Variants in IFRD2 observed in about 807,000 individuals in gnomAD.
IFRD2 encodes interferon related developmental regulator 2, also known as interferon-related developmental regulator 2.
A neutral mutation model predicts 49.2 loss-of-function variants in IFRD2; 35 were observed. The observed-to-expected ratio is 0.71, with a 90% confidence interval of 0.54 to 0.94. The LOEUF (loss-of-function observed/expected upper bound fraction) is 0.94. Ranked by LOEUF, IFRD2 falls within the 40% of genes least tolerant of loss-of-function variation. The probability of loss-of-function intolerance (pLI) is 0.00; values close to 1 mark genes in which losing one functional copy is unlikely to be tolerated. For missense variants in IFRD2, 561 were observed against 591.6 expected (o/e 0.95, Z 0.54); for synonymous variants, 275 against 239.7 (o/e 1.15, Z -1.36).
In IFRD2 at chr3:50,292,284, C is replaced by A. The variant is rs199593825; in HGVS notation, c.-10G>T. 9.2e-4 allele frequency: 1,427 copies of A among 1,553,672 alleles called. 8 individuals are homozygous for A. In the Middle Eastern group the frequency reaches 0.019, roughly 21 times the overall value. On this transcript the variant is annotated 5_prime_UTR_variant, in exon 1 of 12. Coordinates refer to ENST00000417626, the MANE Select transcript of IFRD2 (RefSeq NM_006764.5). ...TACGGGCGCGAGGCATGCCGGGAAC[C>A]GGGCGCGGGGGGCGCGGGGTCAGGG...
At chr3:50,289,680 T>G in intron 6 of IFRD2, 32 bp downstream of exon 6, 1 of 1,596,232 alleles carries the variant, frequency 6.3e-7, no homozygotes, top group East Asian at 2.3e-5. Flanking sequence ...CAGCCCTAGA[T>G]GCTCTACCAC....
At position 50,289,185 on chromosome 3, in the gene IFRD2, G is replaced by A. The variant is rs587773198; in HGVS notation, c.885+70C>T. 6 of 1,364,068 alleles carry A rather than the reference G, an allele frequency of 4.4e-6. No individual in the cohort carries two copies. The East Asian group carries it at 1.0e-4, about 23-fold the overall frequency. 84.5% of individuals were successfully genotyped at this position (1,364,068 alleles called of 1,614,324 possible). Reference sequence around the variant, plus strand: ...ACCTAAAGCTGTTCTGTTTTGTGTGGCACCCCCTGCATCCAGCCTGTGATG... The same window carrying A: ...ACCTAAAGCTGTTCTGTTTTGTGTGACACCCCCTGCATCCAGCCTGTGATG... On this transcript the variant is annotated intron_variant, in intron 8 of 11. Transcript: ENST00000417626.
chr3:50,290,779 C>A (rs1213246729), intron 1 of IFRD2, 100 bp from the exon 2 acceptor site: 2 of 1,475,646 alleles, frequency 1.4e-6, no homozygotes, highest in African/African-American at 2.8e-5. Context: ...AGAATGGTGT[C>A]CCTCTCAGAG....
chr3:50,288,890 G>A lies in IFRD2; in HGVS notation c.933C>T (p.Arg311=). 5.0e-6 allele frequency: 8 copies of A among 1,613,440 alleles called. No homozygotes were observed. Among genetic ancestry groups the A allele is most frequent in the Middle Eastern group, 1.7e-4 (1 of 6,060 alleles). ...ACTTGTTACTGTCAGTGGCCAGAGT[G>A]CGCAGGACACTGCAGAGGGCCTCCA... is the stretch of plus-strand genomic sequence containing the variant. ...EDMEALCSVL[R]TLATDSNKYR... is the part of the protein sequence containing the mutation. The change falls in exon 9 of 12, where the codon CGC becomes CGT. Residue 311 remains arginine (R), a synonymous_variant. Transcript: ENST00000417626.
In IFRD2 at chr3:50,288,093, T is replaced by TAA; in HGVS notation, c.*96_*97dup. ...TTTTTGGTTTTGTCATTAAAAAAAA[T>TAA]AAAGTGACAAATACTGGTGGAGACC... On this transcript the variant is annotated 3_prime_UTR_variant, in exon 12 of 12. Coordinates refer to ENST00000417626, the MANE Select transcript of IFRD2 (RefSeq NM_006764.5). The TAA allele has an allele frequency of 3.5e-6, 4 of 1,141,352 alleles. No individual in the cohort carries two copies. The Admixed American group carries it at 8.4e-5, about 24-fold the overall frequency. 70.7% of individuals were successfully genotyped at this position (1,141,352 alleles called of 1,614,324 possible). A position where few individuals can be genotyped will look rare whatever the true frequency, so the allele number is the denominator to read the frequency against.
chr3:50,291,007 C>CCTTTT (rs1491472231), intron 1 of IFRD2, among the ~76,000 whole-genome samples: 1 of 94,402 alleles, frequency 1.1e-5, no homozygotes, highest in East Asian at 2.3e-4. Flanking sequence ...TCCCCGCCAC[C>CCTTTT]TTTTTTTTTT....
intron 3 of IFRD2, 27 bp from the exon 4 acceptor site, chr3:50,290,321 T>C (rs782670972): frequency 2.1e-5 from 34 of 1,606,726 alleles, no homozygotes; most frequent in South Asian, 3.3e-5. Flanking sequence ...AGGGGGGTCA[T>C]ATGGGCCAGC....
Position 50,290,435 on chromosome 3 carries a change from G to A in IFRD2, c.216C>T (p.Asp72=), listed in dbSNP as rs782292725. 5 of 1,578,476 alleles carry A rather than the reference G, an allele frequency of 3.2e-6. No homozygotes were observed. The highest frequency in any genetic ancestry group is 1.2e-5 in the South Asian group (1 of 86,630). The change falls in exon 3 of 12, where the codon GAC becomes GAT. Residue 72 remains aspartate, a synonymous_variant. Transcript: ENST00000417626. The part of the protein sequence containing the change: ...DVVDEQGQQE[D]LEEKLKEYVD... ...CATACTCCTTCAGCTTTTCCTCAAG[G>A]TCTTCCTGCTGGCCCTGCTCATCCA...
rs868992160 is a variant in IFRD2 at position 50,292,276 on chromosome 3, C to T, written c.-2G>A. 1 of 1,550,536 alleles carries T rather than the reference C, an allele frequency of 6.4e-7. No individual in the cohort carries two copies. The highest frequency in any genetic ancestry group is 8.7e-7 in the Non-Finnish European group (1 of 1,152,560). On this transcript the variant is annotated 5_prime_UTR_variant, in exon 1 of 12. Coordinates refer to ENST00000417626, the MANE Select transcript of IFRD2 (RefSeq NM_006764.5). ...GTTGCCCTTACGGGCGCGAGGCATG[C>T]CGGGAACCGGGCGCGGGGGGCGCGG...
In IFRD2 at chr3:50,289,349, C is replaced by T. The variant is rs201915903; in HGVS notation, c.791G>A (p.Arg264Gln). The change falls in exon 8 of 12, where the codon CGG becomes CAG. Residue 264 changes from arginine (R) to glutamine (Q), a missense_variant. Physicochemically the swap from Arg to Gln is conservative, Grantham distance 43. Transcript: ENST00000417626. ...TTCACTGGACAAGAGCTGGGGCAGCCGGGGCAGCTGCCTAGGGAAGGGGCA... is the reference window on the plus strand; with the variant it reads ...TTCACTGGACAAGAGCTGGGGCAGCTGGGGCAGCTGCCTAGGGAAGGGGCA... ...ISHILDRQLP[R>Q]LPQLLSSESV... The T allele has an allele frequency of 8.5e-4, 1,366 of 1,598,120 alleles. No homozygotes were observed. Among genetic ancestry groups the T allele is most frequent in the Non-Finnish European group, 1.1e-3 (1,316 of 1,172,476 alleles).
rs781815893 is a variant in IFRD2, at chr3:50,288,152, C to T, written c.*39G>A. ...CACTGTCTTCTGTTAAAAATACGGA[C>T]CAAGGGCATAGAAAGTCTCCTCTTC... On this transcript the variant is annotated 3_prime_UTR_variant, in exon 12 of 12. Transcript: ENST00000417626. The T allele has an allele frequency of 1.3e-6, 2 of 1,532,252 alleles. No homozygotes were observed. The highest frequency in any genetic ancestry group is 1.8e-6 in the Non-Finnish European group (2 of 1,109,428). 94.9% of individuals were successfully genotyped at this position (1,532,252 alleles called of 1,614,324 possible). A position where few individuals can be genotyped will look rare whatever the true frequency, so the allele number is the denominator to read the frequency against.
intron 5 of IFRD2, 59 bp downstream of exon 5, chr3:50,289,870 C>T (rs1559802345): frequency 1.2e-6 from 2 of 1,604,076 alleles, no homozygotes; most frequent in South Asian, 2.2e-5. Flanking sequence ...AGGGGGAACC[C>T]ACCACTCTGC....
In IFRD2 at chr3:50,288,198, A is replaced by G. The variant is rs1553708888; in HGVS notation, c.1322T>C (p.Ile441Thr). Residue 441 changes from isoleucine (I) to threonine (T), a missense_variant, in exon 12 of 12, where the codon ATC (isoleucine) becomes ACC (threonine). Physicochemically the swap from Ile to Thr is moderately conservative, Grantham distance 89. Transcript: ENST00000417626. The part of the protein sequence containing the change: ...RSRVRDKRAD[I>T]L ...TCTTCAGCAGGTCCTGCTTCACAGG[A>G]TGTCTGCCCGCTTGTCCCGCACACG... 1 of 1,613,516 alleles carries G rather than the reference A, an allele frequency of 6.2e-7. No homozygotes were observed. Among genetic ancestry groups the G allele is most frequent in the Admixed American group, 1.7e-5 (1 of 59,988 alleles).
At chr3:50,289,027 G>C in intron 8 of IFRD2, 90 bp from the exon 9 acceptor site, 2 of 1,517,358 alleles carry the variant, frequency 1.3e-6, no homozygotes, top group Non-Finnish European at 1.8e-6. Flanking sequence ...CTTTCACTGA[G>C]AGACCCTCTC....
In IFRD2 at chr3:50,290,091, G is replaced by A; in HGVS notation, c.389-5C>T. On this transcript the variant is annotated splice_region_variant and splice_polypyrimidine_tract_variant and intron_variant, in intron 4 of 11. Transcript: ENST00000417626. The stretch of plus-strand genomic sequence containing the variant: ...GGGCTTGTTCCTCGCCCTTCCCTGT[G>A]GGATGCTTTCCAGTCAGCCCATGCA... The A allele has an allele frequency of 1.2e-6, 2 of 1,613,424 alleles. No homozygotes were observed. Among genetic ancestry groups the A allele is most frequent in the Non-Finnish European group, 8.5e-7 (1 of 1,179,554 alleles).
In IFRD2 at chr3:50,290,313, G is replaced by C. The variant is rs199620289; in HGVS notation, c.264-19C>G. 5.7e-5 allele frequency: 91 copies of C among 1,608,290 alleles called. No homozygotes were observed. Among genetic ancestry groups the C allele is most frequent in the African/African-American group, 5.5e-4 (41 of 75,014 alleles). ...CTTGGCACTGGGGGAGGTCGAGAAG[G>C]GGGGTCATATGGGCCAGCCCTCCCT... On this transcript the variant is annotated intron_variant, in intron 3 of 11. Coordinates refer to ENST00000417626, the MANE Select transcript of IFRD2 (RefSeq NM_006764.5).
rs1193993886 is a variant in IFRD2 at position 50,289,598 on chromosome 3, T to C, written c.628A>G (p.Ser210Gly). 2 of 1,595,192 alleles carry C rather than the reference T, an allele frequency of 1.3e-6. No individual in the cohort carries two copies. Among genetic ancestry groups the C allele is most frequent in the Admixed American group, 1.8e-5 (1 of 56,668 alleles). Residue 210 changes from serine (S) to glycine (G), a missense_variant, in exon 7 of 12, where the codon AGT becomes GGT. Coordinates refer to ENST00000417626, the MANE Select transcript of IFRD2 (RefSeq NM_006764.5). ...AAGCCATAGAACCGGCTGAAAACAC[T>C]TTCTAAGCAGGCAAGGCAAGAGACC... ...DLVSCLACLE[S>G]VFSRFYGLGG...
At chr3:50,289,671 A>G (rs1553709398) in intron 6 of IFRD2, 41 bp downstream of exon 6, 1 of 1,595,212 alleles carries the variant, frequency 6.3e-7, no homozygotes, top group Non-Finnish European at 8.5e-7. Context: ...GCAGAGTTAC[A>G]GCCCTAGATG....
chr3:50,292,094 G>A (rs1299068945), intron 1 of IFRD2, 123 bp downstream of exon 1: 1 of 1,091,446 alleles, frequency 9.2e-7, no homozygotes, highest in East Asian at 2.8e-5. Context: ...TAGAGTTATG[G>A]GAAGCTGCGT....
Sources: allele counts gnomAD v4.1 joint callset (sites outside exome capture counted in the v4.1 genomes callset), GRCh38; gene constraint gnomAD v4.1.1; transcripts MANE v1.5; gene names NCBI Gene and HGNC (gene_info 2026-07-23, HGNC 2026-07-21).